SYT2: variants seen among roughly 807,000 people sequenced by gnomAD.
The protein encoded by SYT2 is synaptotagmin-2.
In SYT2, 15 loss-of-function variants were observed where a neutral mutation model predicts 39.9. The ratio of observed to expected loss-of-function variants is 0.38; its 90% CI spans 0.25 to 0.58. The LOEUF is 0.58. Among genes scored for constraint, SYT2 ranks in the 20% least tolerant of loss-of-function variants. SYT2 has a pLI of 0.70. For synonymous variants in SYT2, 181 were observed against 204.5 expected (o/e 0.89, Z 0.98); for missense variants, 389 against 530.3 (o/e 0.73, Z 2.62).
intron 1 of SYT2, among the ~76,000 whole-genome samples, chr1:202,607,229 T>C (rs1690738294): frequency 6.6e-6 from 1 of 152,202 alleles, no homozygotes; most frequent in Admixed American, 6.5e-5. Context: ...CAGCACCCCT[T>C]GTGCCAAGCA....
intron 1 of SYT2, among the ~76,000 whole-genome samples, chr1:202,625,520 C>G (rs1459159012): frequency 1.8e-4 from 27 of 151,692 alleles, no homozygotes; most frequent in Admixed American, 1.8e-3. Flanking sequence ...CCCGTTCAAG[C>G]TGCAGGAGAG....
At chr1:202,688,175 C>T (rs1403382638) in intron 1 of SYT2, among the ~76,000 whole-genome samples, 2 of 152,338 alleles carry the variant, frequency 1.3e-5, no homozygotes, top group South Asian at 4.1e-4. Flanking sequence ...ACACTCTACT[C>T]TGCAATGTGA....
At chr1:202,654,414 C>T (rs1327319107) in intron 1 of SYT2, among the ~76,000 whole-genome samples, 1 of 152,192 alleles carries the variant, frequency 6.6e-6, no homozygotes, top group East Asian at 1.9e-4. Context: ...TCTTCGAAGG[C>T]ACCAGAACGC....
chr1:202,705,729 T>TC lies in SYT2; in HGVS notation c.-18+4528_-18+4529insG, dbSNP rs1052456780. 4.2e-3 allele frequency among the ~76,000 whole-genome samples: 644 copies of TC among 151,982 alleles called. 4 individuals are homozygous for TC. The highest frequency in any genetic ancestry group is 0.015 in the African/African-American group (613 of 41,450). On this transcript the variant is annotated intron_variant, in intron 1 of 8. Transcript: ENST00000367268. ...TCTTGGATTTTGGGAGTCCTTTTTT[T>TC]TTTTTTGAGACCGGATCTCACTGTT...
chr1:202,690,948 G>T (rs1653802513), intron 1 of SYT2, among the ~76,000 whole-genome samples: 3 of 152,120 alleles, frequency 2.0e-5, no homozygotes, highest in African/African-American at 7.2e-5. Flanking sequence ...TTCAGGTCCA[G>T]ACTTGACCAC....
chr1:202,605,394 A>AT, intron 2 of SYT2: 1 of 468,626 alleles, frequency 2.1e-6, no homozygotes, highest in Non-Finnish European at 3.9e-6. Flanking sequence ...GTTGACGCAC[A>AT]TAAACCCCCT....
At chr1:202,684,400 G>A (rs1199577712) in intron 1 of SYT2, among the ~76,000 whole-genome samples, 2 of 148,422 alleles carry the variant, frequency 1.3e-5, no homozygotes, top group Non-Finnish European at 3.0e-5. Context: ...TTGTTATTCT[G>A]TGTCTGGCTT....
At chr1:202,674,808 A>G (rs1653314325) in intron 1 of SYT2, among the ~76,000 whole-genome samples, 1 of 152,020 alleles carries the variant, frequency 6.6e-6, no homozygotes, top group Non-Finnish European at 1.5e-5. Flanking sequence ...CTCTGGTCAC[A>G]CTGGCCTCCC....
chr1:202,609,691 T>C (rs573222558), intron 1 of SYT2, among the ~76,000 whole-genome samples: 3 of 152,266 alleles, frequency 2.0e-5, no homozygotes, highest in Non-Finnish European at 4.4e-5. Context: ...CTGTCTTCTT[T>C]CGAGAAGTGT....
intron 1 of SYT2, among the ~76,000 whole-genome samples, chr1:202,666,009 C>T (rs982597373): frequency 1.3e-5 from 2 of 150,570 alleles, no homozygotes; most frequent in Non-Finnish European, 2.9e-5. Flanking sequence ...AAAAATTAGC[C>T]GGGCGTGGTG....
chr1:202,687,202 T>C (rs1455453249), intron 1 of SYT2, among the ~76,000 whole-genome samples: 2 of 152,142 alleles, frequency 1.3e-5, no homozygotes, highest in Non-Finnish European at 2.9e-5. Flanking sequence ...CTGAGGTGTG[T>C]GTCCAGTTCA....
chr1:202,700,289 T>C (rs1403563932), intron 1 of SYT2, among the ~76,000 whole-genome samples: 1 of 152,166 alleles, frequency 6.6e-6, no homozygotes, highest in African/African-American at 2.4e-5. Context: ...TCTGGACTTC[T>C]GAGATACAGA....
intron 1 of SYT2, among the ~76,000 whole-genome samples, chr1:202,693,463 G>C (rs777373152): frequency 1.3e-5 from 2 of 152,178 alleles, no homozygotes; most frequent in African/African-American, 4.8e-5. Flanking sequence ...AGTCCTTTCA[G>C]AGAAGCTGAG....
chr1:202,652,864 C>T (rs1466246971), intron 1 of SYT2, among the ~76,000 whole-genome samples: 3 of 152,192 alleles, frequency 2.0e-5, no homozygotes, highest in Non-Finnish European at 4.4e-5. Context: ...TCTCAAGGAA[C>T]ATTCATCACC....
At position 202,595,338 on chromosome 1, in the gene SYT2, T is replaced by C. The variant is rs1690251000; in HGVS notation, c.*1419A>G. The C allele has an allele frequency of 6.6e-6, 1 of 152,216 alleles. No homozygotes were observed. The highest frequency in any genetic ancestry group is 6.5e-5 in the Admixed American group (1 of 15,288). 9.4% of individuals were successfully genotyped at this position (152,216 alleles called of 1,614,324 possible). On this transcript the variant is annotated 3_prime_UTR_variant, in exon 9 of 9. Transcript: ENST00000367268. ...CTAGAAGGTCACCTCTGCTACTCAT[T>C]TGGAATGGATGCCCTTTGTTTCTTA...
At position 202,600,465 on chromosome 1, in the gene SYT2, G is replaced by T. The variant is rs1236530133; in HGVS notation, c.811C>A (p.Leu271Met). Residue 271 changes from leucine (L) to methionine (M), a missense_variant, in exon 7 of 9, where the codon CTG becomes ATG. Coordinates refer to ENST00000367268, the MANE Select transcript of SYT2 (RefSeq NM_177402.5). The stretch of plus-strand genomic sequence containing the variant: ...CGCAGGGAGGTGCAGATGTCGCCCA[G>T]CTTCTCCGGCTGTCCAGGGGAAGAG... ...QGGEKEEPEK[L>M]GDICTSLRYV... 6.2e-7 allele frequency: 1 copy of T among 1,614,160 alleles called. No individual in the cohort carries two copies. The highest frequency in any genetic ancestry group is 1.7e-5 in the Admixed American group (1 of 60,030).
intron 1 of SYT2, among the ~76,000 whole-genome samples, chr1:202,669,734 G>C (rs1201916003): frequency 2.0e-5 from 3 of 149,080 alleles, no homozygotes; most frequent in Admixed American, 6.7e-5. Flanking sequence ...CTCCGGCTTG[G>C]ATGACAGAGT....
chr1:202,620,147 C>T (rs141985574), intron 1 of SYT2, among the ~76,000 whole-genome samples: 1,661 of 152,346 alleles, frequency 0.011, 35 homozygotes, highest in African/African-American at 0.037. Flanking sequence ...ACAGAATCCA[C>T]GCAGGAATTC....
chr1:202,600,442 C>CA lies in SYT2; in HGVS notation c.833dup (p.Arg279AlafsTer17). ...GCTTCCCGGCCGTGGGCACATAGCG[C>CA]AGGGAGGTGCAGATGTCGCCCAGCT... On this transcript the variant is annotated frameshift_variant, in exon 7 of 9. Transcript: ENST00000367268. LOFTEE classifies it high-confidence loss of function. 1 of 1,614,214 alleles carries CA rather than the reference C, an allele frequency of 6.2e-7. No individual in the cohort carries two copies.
Sources: gnomAD v4.1 joint callset for allele counts (sites outside exome capture counted in the v4.1 genomes callset) on GRCh38, gnomAD v4.1.1 for gene constraint, MANE v1.5 for transcripts, NCBI Gene and HGNC (gene_info 2026-07-23, HGNC 2026-07-21) for gene names.